Variants in MDM4 observed in about 807,000 individuals in gnomAD.
MDM4 encodes the protein protein Mdm4.
A neutral mutation model predicts 60.2 loss-of-function variants in MDM4; 2 were observed. The ratio of observed to expected loss-of-function variants is 0.03; its 90% CI spans 0.01 to 0.10. The LOEUF (loss-of-function observed/expected upper bound fraction) is 0.10, where lower values mean the gene tolerates loss of function less well. Among genes scored for constraint, MDM4 ranks in the 10% least tolerant of loss-of-function variants. The pLI is 1.00. For missense variants in MDM4, 447 were observed against 577.5 expected (o/e 0.77, Z 2.32); for synonymous variants, 202 against 198.1 (o/e 1.02, Z -0.17).
chr1:204,537,184 A>G (rs1661511611), intron 5 of MDM4: 1 of 473,778 alleles, frequency 2.1e-6, no homozygotes, highest in African/African-American at 2.0e-5. Flanking sequence ...ATTTTTAGCT[A>G]TTTTTCACTG....
At chr1:204,529,042 G>A in intron 3 of MDM4, 1 of 1,497,362 alleles carries the variant, frequency 6.7e-7, no homozygotes, top group Admixed American at 1.8e-5. Context: ...GTGAACTGGG[G>A]GCTCAGGTTG....
intron 7 of MDM4, among the ~76,000 whole-genome samples, chr1:204,538,826 C>G (rs1334014916): frequency 6.7e-6 from 1 of 149,800 alleles, no homozygotes; most frequent in African/African-American, 2.4e-5. Context: ...GTGCCTCAGC[C>G]TCCTGAGTAG....
chr1:204,539,014 C>T lies in MDM4; in HGVS notation c.511+706C>T, dbSNP rs1391347361. Among the ~76,000 whole-genome samples the T allele has an allele frequency of 3.3e-5, 5 of 152,132 alleles. No homozygotes were observed. The East Asian group carries it at 5.8e-4, about 18-fold the overall frequency. On this transcript the variant is annotated intron_variant, in intron 7 of 10. Coordinates refer to ENST00000367182, the MANE Select transcript of MDM4 (RefSeq NM_002393.5). Reference sequence around the variant, plus strand: ...CCTCTGGAGTAGCTGGGATTACAGGCGCACGCCACCACACCCGGCTAATTT... The same window carrying T: ...CCTCTGGAGTAGCTGGGATTACAGGTGCACGCCACCACACCCGGCTAATTT...
intron 9 of MDM4, 97 bp downstream of exon 9, chr1:204,544,781 CATA>C (rs1662483912): frequency 3.7e-6 from 4 of 1,083,072 alleles, no homozygotes; most frequent in South Asian, 1.9e-5. Context: ...AGATTGCTCA[CATA>C]ATCCCCTTTT....
chr1:204,546,939 C>G, intron 10 of MDM4, 62 bp downstream of exon 10: 1 of 1,066,606 alleles, frequency 9.4e-7, no homozygotes, highest in Non-Finnish European at 1.4e-6. Flanking sequence ...GTAATCCCAG[C>G]AGTTCACTTG....
At chr1:204,540,366 A>C (rs1341852663) in intron 7 of MDM4, among the ~76,000 whole-genome samples, 1 of 152,082 alleles carries the variant, frequency 6.6e-6, no homozygotes, top group East Asian at 1.9e-4. Flanking sequence ...ATCCAGAAAA[A>C]TTGTTTTTGC....
At chr1:204,542,343 G>A (rs901165214) in intron 7 of MDM4, among the ~76,000 whole-genome samples, 5 of 152,192 alleles carry the variant, frequency 3.3e-5, no homozygotes, top group South Asian at 2.1e-4. Context: ...AGACCACTAT[G>A]TTACCATCAT....
At chr1:204,548,766 C>G (rs144381354) in intron 10 of MDM4, among the ~76,000 whole-genome samples, 1 of 151,824 alleles carries the variant, frequency 6.6e-6, no homozygotes, top group African/African-American at 2.4e-5. Context: ...GCCTCTTGCC[C>G]GATAAAGGAG....
At chr1:204,539,997 A>G (rs973055586) in intron 7 of MDM4, among the ~76,000 whole-genome samples, 14 of 151,998 alleles carry the variant, frequency 9.2e-5, no homozygotes, top group African/African-American at 3.4e-4. Flanking sequence ...CTTGGGTCCC[A>G]TTAGCCGGGC....
intron 1 of MDM4, among the ~76,000 whole-genome samples, chr1:204,524,872 CTG>C (rs1659959452): frequency 6.6e-6 from 1 of 152,164 alleles, no homozygotes; most frequent in Admixed American, 6.5e-5. Flanking sequence ...GAACTTTACT[CTG>C]TATTTCACTT....
chr1:204,537,541 C>A, intron 6 of MDM4, 44 bp downstream of exon 6: 1 of 1,371,196 alleles, frequency 7.3e-7, no homozygotes, highest in Non-Finnish European at 1.0e-6. Flanking sequence ...ACAGAGTGGC[C>A]CCTTCTCTGT....
rs60954516 is a variant in MDM4 at position 204,523,473 on chromosome 1, A to ATTTTT, written c.-35-1987_-35-1983dup. Among the ~76,000 whole-genome samples, 178 of 58,954 alleles carry ATTTTT rather than the reference A, an allele frequency of 3.0e-3. 11 individuals carry two copies. Among genetic ancestry groups the ATTTTT allele is most frequent in the Non-Finnish European group, 3.9e-3 (141 of 35,768 alleles). The allele number at this position is 58,954 out of a possible 152,430, so 38.7% of individuals were successfully genotyped here. The stretch of plus-strand genomic sequence containing the variant: ...CAGAGCGAGACTCCACCTAAAAAAA[A>ATTTTT]TTTTTTTTTTTTTTTTTTTTTTTTT... On this transcript the variant is annotated intron_variant, in intron 1 of 10. Coordinates refer to ENST00000367182, the MANE Select transcript of MDM4 (RefSeq NM_002393.5).
rs181798189 is a variant in MDM4 at position 204,550,958 on chromosome 1, C to T, written c.*1276C>T. On this transcript the variant is annotated 3_prime_UTR_variant, in exon 11 of 11. Transcript: ENST00000367182. ...AATTAGCCAAATCAGACTTAACTTC[C>T]GTCAGAACATGTCTTGGTTTTAATT... is the stretch of plus-strand genomic sequence containing the variant. 5.4e-5 allele frequency: 10 copies of T among 184,446 alleles called. No individual in the cohort carries two copies. The highest frequency in any genetic ancestry group is 8.8e-5 in the East Asian group (1 of 11,424). 11.4% of individuals were successfully genotyped at this position (184,446 alleles called of 1,614,324 possible). A position where few individuals can be genotyped will look rare whatever the true frequency, so the allele number is the denominator to read the frequency against.
rs1338978165 is a variant in MDM4 at position 204,542,848 on chromosome 1, G to A, written c.576G>A (p.Glu192=). ...CTAGGCTGGACCTTGGATTTGAGGAGTGGGATGTAGCTGGCCTGCCTTGGT... is the reference window on the plus strand; with the variant it reads ...CTAGGCTGGACCTTGGATTTGAGGAATGGGATGTAGCTGGCCTGCCTTGGT... ...ETSRLDLGFE[E]WDVAGLPWWF... is the part of the protein sequence containing the mutation. Residue 192 remains glutamate (E), a synonymous_variant, in exon 8 of 11, where the codon GAG becomes GAA. Transcript: ENST00000367182. 5.6e-6 allele frequency: 9 copies of A among 1,613,948 alleles called. No homozygotes were observed. In the South Asian group the frequency reaches 9.9e-5, roughly 18 times the overall value.
chr1:204,539,478 A>G (rs1347414681), intron 7 of MDM4, among the ~76,000 whole-genome samples: 2 of 150,906 alleles, frequency 1.3e-5, no homozygotes, highest in Non-Finnish European at 2.9e-5. Flanking sequence ...CTTTCAAAGG[A>G]TCTTAGAATA....
chr1:204,536,711 T>A (rs533396178), intron 5 of MDM4, among the ~76,000 whole-genome samples: 1 of 152,376 alleles, frequency 6.6e-6, no homozygotes, highest in South Asian at 2.1e-4. Context: ...TGCATTTCTC[T>A]TTTAGATTAA....
chr1:204,535,112 CTT>C, intron 5 of MDM4, among the ~76,000 whole-genome samples: 1 of 148,406 alleles, frequency 6.7e-6, no homozygotes. Flanking sequence ...ATGGGTTAAA[CTT>C]TTCATTTTGG....
rs534704300 is a variant in MDM4 at position 204,557,491 on chromosome 1, C to T, written c.*7809C>T. The T allele has an allele frequency of 5.7e-6, 1 of 174,174 alleles. No individual in the cohort carries two copies. The highest frequency in any genetic ancestry group is 1.2e-5 in the Non-Finnish European group (1 of 80,718). The allele number at this position is 174,174 out of a possible 1,614,324, so 10.8% of individuals were successfully genotyped here. A position where few individuals can be genotyped will look rare whatever the true frequency, so the allele number is the denominator to read the frequency against. On this transcript the variant is annotated 3_prime_UTR_variant, in exon 11 of 11. Transcript: ENST00000367182. ...AATCTTGGTTCACTGCAACCCCCGC[C>T]TCCTGGGTTCAAGCGATCCTCCTGC...
chr1:204,527,720 T>C lies in MDM4; in HGVS notation c.153+1286T>C, dbSNP rs559900233. On this transcript the variant is annotated intron_variant, in intron 3 of 10. Transcript: ENST00000367182. The stretch of plus-strand genomic sequence containing the variant: ...TAAACACATGCATTTAAATAACTTA[T>C]TTAGCTTCTGAAGTTTTTTAAAAAA... Among the ~76,000 whole-genome samples, 34 of 152,284 alleles carry C rather than the reference T, an allele frequency of 2.2e-4. 1 individual carries two copies. In the South Asian group the frequency reaches 3.3e-3, roughly 15 times the overall value.
Sources: allele counts gnomAD v4.1 joint callset (sites outside exome capture counted in the v4.1 genomes callset), GRCh38; gene constraint gnomAD v4.1.1; transcripts MANE v1.5; gene names NCBI Gene and HGNC (gene_info 2026-07-23, HGNC 2026-07-21).